Variants in GALNTL6 observed in about 807,000 individuals in gnomAD.
GALNTL6 encodes the protein polypeptide N-acetylgalactosaminyltransferase-like 6.
In GALNTL6, 46 loss-of-function variants were observed where a neutral mutation model predicts 73.7. The observed-to-expected ratio is 0.62, with a 90% CI of 0.49 to 0.80. The LOEUF (loss-of-function observed/expected upper bound fraction) is 0.80, where lower values mean the gene tolerates loss of function less well. Among genes scored for constraint, GALNTL6 ranks in the 30% least tolerant of loss-of-function variants. GALNTL6 has a pLI of 0.00. For synonymous variants in GALNTL6, 259 were observed against 263.7 expected, an observed-to-expected ratio of 0.98 and a Z score of 0.17; for missense variants, 604 against 755.0, an observed-to-expected ratio of 0.80 and a Z score of 2.34.
rs573728882 is a variant in GALNTL6 at position 172,102,005 on chromosome 4, C to T, written c.139-127651C>T. Among the ~76,000 whole-genome samples the T allele has an allele frequency of 1.8e-4, 27 of 152,104 alleles. 1 individual carries two copies. In the Middle Eastern group the frequency reaches 0.028, roughly 155 times the overall value. ...TAAAAAGAAAGCATTATAAACTATA[C>T]AGTTCTTATTGTTTAATTAAAAGGA... On this transcript the variant is annotated intron_variant, in intron 2 of 12. Transcript: ENST00000506823.
At chr4:171,969,562 C>T (rs1461526974) in intron 2 of GALNTL6, among the ~76,000 whole-genome samples, 1 of 152,238 alleles carries the variant, frequency 6.6e-6, no homozygotes, top group East Asian at 1.9e-4. Flanking sequence ...CATTGAAATA[C>T]TTGTTCTGTA....
intron 5 of GALNTL6, among the ~76,000 whole-genome samples, chr4:172,654,498 A>T (rs1049755013): frequency 6.6e-6 from 1 of 152,210 alleles, no homozygotes; most frequent in African/African-American, 2.4e-5. Context: ...TAGGTCAAAA[A>T]TCATTGTAAT....
At chr4:173,038,925 C>T (rs1036272399) in intron 12 of GALNTL6, among the ~76,000 whole-genome samples, 1 of 152,166 alleles carries the variant, frequency 6.6e-6, no homozygotes, top group Non-Finnish European at 1.5e-5. Context: ...TAAAACATTA[C>T]TTGATCTTAA....
intron 5 of GALNTL6, among the ~76,000 whole-genome samples, chr4:172,661,418 A>G (rs1731364612): frequency 6.6e-6 from 1 of 152,300 alleles, no homozygotes; most frequent in African/African-American, 2.4e-5. Flanking sequence ...ATGCACATAC[A>G]TACTGTTTGT....
rs141685991 is a variant in GALNTL6, at chr4:172,088,609, G to T, written c.139-141047G>T. On this transcript the variant is annotated intron_variant, in intron 2 of 12. Coordinates refer to ENST00000506823, the MANE Select transcript of GALNTL6 (RefSeq NM_001034845.3). ...GGAAATTAAATTGAACAGAGAGTTT[G>T]ATTTGGAACAAAGTCTGGGCTCTAG... Among the ~76,000 whole-genome samples the T allele has an allele frequency of 1.0e-3, 158 of 152,306 alleles. 1 individual carries two copies. Among genetic ancestry groups the T allele is most frequent in the African/African-American group, 3.7e-3 (153 of 41,576 alleles).
chr4:172,728,754 C>T (rs1735979334), intron 5 of GALNTL6, among the ~76,000 whole-genome samples: 1 of 152,170 alleles, frequency 6.6e-6, no homozygotes, highest in Non-Finnish European at 1.5e-5. Context: ...AGTAGAATTG[C>T]TAGACAATAT....
chr4:172,814,038 T>A (rs1309879335), intron 7 of GALNTL6, among the ~76,000 whole-genome samples: 1 of 152,238 alleles, frequency 6.6e-6, no homozygotes, highest in African/African-American at 2.4e-5. Context: ...TATTTTCAGT[T>A]GTTTCTGTTC....
chr4:172,124,499 A>AG (rs1733242697), intron 2 of GALNTL6, among the ~76,000 whole-genome samples: 1 of 152,216 alleles, frequency 6.6e-6, no homozygotes, highest in African/African-American at 2.4e-5. Flanking sequence ...TTCTTTAACC[A>AG]GGGTGATAAT....
At chr4:172,792,904 C>A (rs985439267) in intron 5 of GALNTL6, among the ~76,000 whole-genome samples, 1 of 151,994 alleles carries the variant, frequency 6.6e-6, no homozygotes, top group African/African-American at 2.4e-5. Context: ...CAGGATCTTC[C>A]CTTTCAGAAT....
intron 2 of GALNTL6, among the ~76,000 whole-genome samples, chr4:172,214,880 A>C (rs532124060): frequency 6.6e-6 from 1 of 152,114 alleles, no homozygotes; most frequent in Non-Finnish European, 1.5e-5. Flanking sequence ...CCTGAGGTTG[A>C]AACTTAGATT....
At chr4:172,163,800 T>C (rs28526698) in intron 2 of GALNTL6, among the ~76,000 whole-genome samples, 64,430 of 151,670 alleles carry the variant, frequency 0.42, 14,452 homozygotes, top group African/African-American at 0.56. Flanking sequence ...ATTCCAAAGA[T>C]GGTTCGTTAA....
intron 4 of GALNTL6, among the ~76,000 whole-genome samples, chr4:172,338,184 A>G (rs1741410832): frequency 6.6e-6 from 1 of 151,914 alleles, no homozygotes; most frequent in Non-Finnish European, 1.5e-5. Context: ...TTGGAAGTTT[A>G]TTTGTGTTGA....
chr4:172,998,095 T>C (rs193151288), intron 10 of GALNTL6, among the ~76,000 whole-genome samples: 1 of 152,292 alleles, frequency 6.6e-6, no homozygotes. Context: ...CCAAAGCAAT[T>C]ACATTTATGG....
At chr4:172,742,013 ATAC>A (rs1423813474) in intron 5 of GALNTL6, among the ~76,000 whole-genome samples, 2 of 151,986 alleles carry the variant, frequency 1.3e-5, no homozygotes, top group African/African-American at 4.8e-5. Flanking sequence ...GAAAAAACAT[ATAC>A]TACACTGCAT....
rs78363821 is a variant in GALNTL6 at position 172,434,329 on chromosome 4, C to T, written c.553+85640C>T. Among the ~76,000 whole-genome samples the T allele has an allele frequency of 3.6e-4, 55 of 152,156 alleles. 3 individuals are homozygous for T. In the East Asian group the frequency reaches 0.01, roughly 29 times the overall value. ...TATAGTCACCTTAGTTATCTGTCACCAATTAGATGTCTCTACAAGTGAAGT... is the reference window on the plus strand; with the variant it reads ...TATAGTCACCTTAGTTATCTGTCACTAATTAGATGTCTCTACAAGTGAAGT... On this transcript the variant is annotated intron_variant, in intron 5 of 12. Coordinates refer to ENST00000506823, the MANE Select transcript of GALNTL6 (RefSeq NM_001034845.3).
At chr4:172,307,173 TATC>T (rs1323806280) in intron 3 of GALNTL6, among the ~76,000 whole-genome samples, 1 of 152,200 alleles carries the variant, frequency 6.6e-6, no homozygotes, top group African/African-American at 2.4e-5. Flanking sequence ...AGTAAGATGG[TATC>T]ATATTATGGT....
chr4:171,887,872 A>G (rs1409775512), intron 2 of GALNTL6, among the ~76,000 whole-genome samples: 3 of 152,214 alleles, frequency 2.0e-5, no homozygotes, highest in Non-Finnish European at 2.9e-5. Context: ...CAAACAAAAA[A>G]TAAACGTAAT....
At chr4:172,214,808 C>T (rs950516511) in intron 2 of GALNTL6, among the ~76,000 whole-genome samples, 3 of 152,078 alleles carry the variant, frequency 2.0e-5, no homozygotes, top group East Asian at 1.9e-4. Context: ...GCACCGTGCC[C>T]GGCCTTTTGA....
At chr4:172,157,512 A>G (rs1441272379) in intron 2 of GALNTL6, among the ~76,000 whole-genome samples, 2 of 152,290 alleles carry the variant, frequency 1.3e-5, no homozygotes, top group East Asian at 3.9e-4. Context: ...TGTGCTGAAG[A>G]GTAGCATTTT....
Sources: allele counts gnomAD v4.1 joint callset (sites outside exome capture counted in the v4.1 genomes callset), GRCh38; gene constraint gnomAD v4.1.1; transcripts MANE v1.5; gene names NCBI Gene and HGNC (gene_info 2026-07-23, HGNC 2026-07-21).